Variants in FAM227A observed in about 807,000 individuals in gnomAD.
FAM227A encodes family with sequence similarity 227 member A, also known as protein FAM227A.
In FAM227A, 80 loss-of-function variants were observed where a neutral mutation model predicts 74.7. That is an observed-to-expected ratio of 1.07 (90% CI 0.89 to 1.29). The LOEUF is 1.29. FAM227A is among the 50% of genes most tolerant of loss of function. The pLI is 0.00. For synonymous variants in FAM227A, 237 were observed against 241.8 expected, an observed-to-expected ratio of 0.98 and a Z score of 0.19; for missense variants, 654 against 683.4, an observed-to-expected ratio of 0.96 and a Z score of 0.48.
At chr22:38,588,766 A>G (rs1406951416) in intron 16 of FAM227A, among the ~76,000 whole-genome samples, 1 of 62,430 alleles carries the variant, frequency 1.6e-5, no homozygotes, top group African/African-American at 7.4e-5. Context: ...TAAAAATACA[A>G]AAAAAAAAAA....
chr22:38,638,323 C>G (rs1443173068), intron 5 of FAM227A, among the ~76,000 whole-genome samples: 1 of 152,204 alleles, frequency 6.6e-6, no homozygotes, highest in East Asian at 1.9e-4. Context: ...CTGCATGACC[C>G]TGTGACAAGT....
intron 8 of FAM227A, among the ~76,000 whole-genome samples, chr22:38,626,865 C>CAAAAAAAAAAAAAA (rs67498232): frequency 6.0e-5 from 1 of 16,800 alleles, no homozygotes; most frequent in Non-Finnish European, 8.9e-5. Flanking sequence ...GACTCTGTCT[C>CAAAAAAAAAAAAAA]AAAAAAAAAA....
Position 38,578,876 on chromosome 22 carries a change from A to G in FAM227A, c.*7249T>C, listed in dbSNP as rs969604738. 2.0e-5 allele frequency: 3 copies of G among 152,210 alleles called. No homozygotes were observed. Among genetic ancestry groups the G allele is most frequent in the Admixed American group, 1.3e-4 (2 of 15,268 alleles). The allele number at this position is 152,210 out of a possible 1,614,324, so 9.4% of individuals were successfully genotyped here. ...GGAACGAGTATTTGTTGAACACCCA[A>G]TAATGATCATGATAGCCAGTACATG... On this transcript the variant is annotated 3_prime_UTR_variant, in exon 17 of 17. Coordinates refer to ENST00000535113, the MANE Select transcript of FAM227A (RefSeq NM_001013647.2).
At position 38,623,280 on chromosome 22, in the gene FAM227A, C is replaced by T; in HGVS notation, c.851-1G>A. On this transcript the variant is annotated splice_acceptor_variant, in intron 9 of 16. Transcript: ENST00000535113. LOFTEE classifies it high-confidence loss of function. ...TAGCTCTGTGGGCTAGGATAGGTGC[C>T]TAAGGGAGGAGTCAAGAGTGAGAAT... The T allele has an allele frequency of 6.5e-7, 1 of 1,548,646 alleles. No individual in the cohort carries two copies. The highest frequency in any genetic ancestry group is 2.4e-5 in the East Asian group (1 of 40,894).
Position 38,650,104 on chromosome 22 carries a change from T to C in FAM227A, c.65A>G (p.Glu22Gly). 6.4e-7 allele frequency: 1 copy of C among 1,551,984 alleles called. No individual in the cohort carries two copies. The highest frequency in any genetic ancestry group is 1.7e-4 in the Middle Eastern group (1 of 5,996). The change falls in exon 2 of 17, where the codon GAG (glutamate) becomes GGG (glycine). Residue 22 changes from glutamate to glycine, a missense_variant. By Grantham distance (98) the Glu-to-Gly change is moderately conservative. Transcript: ENST00000535113. Reference protein sequence around the residue: ...LTTLPMIPVDEHLAVSLVARN... With the variant: ...LTTLPMIPVDGHLAVSLVARN... Reference sequence around the variant, plus strand: ...TGCGACAAGCGAGACAGCCAGGTGCTCATCCACTGGTATCATAGGTAGGGT... The same window carrying C: ...TGCGACAAGCGAGACAGCCAGGTGCCCATCCACTGGTATCATAGGTAGGGT...
At chr22:38,640,340 G>A (rs1295675491) in intron 3 of FAM227A, among the ~76,000 whole-genome samples, 2 of 151,908 alleles carry the variant, frequency 1.3e-5, no homozygotes, top group Admixed American at 1.3e-4. Context: ...GCCTCTTCTA[G>A]GGTTCTTATA....
intron 11 of FAM227A, among the ~76,000 whole-genome samples, chr22:38,619,958 T>G (rs2091652308): frequency 6.6e-6 from 1 of 152,182 alleles, no homozygotes; most frequent in Admixed American, 6.5e-5. Context: ...CAGCCTACAC[T>G]GAAAACCTGG....
chr22:38,599,726 T>C (rs370286367), intron 14 of FAM227A, 38 bp downstream of exon 14: 401 of 1,521,222 alleles, frequency 2.6e-4, no homozygotes, highest in Non-Finnish European at 5.7e-5. Context: ...CGCGGGGGCC[T>C]GGAGCAGTGC....
chr22:38,648,210 G>A (rs955512610), intron 2 of FAM227A, among the ~76,000 whole-genome samples: 1 of 151,358 alleles, frequency 6.6e-6, no homozygotes, highest in Admixed American at 6.6e-5. Context: ...GGCCAGGGCA[G>A]TAAGATGCTG....
At chr22:38,644,379 A>G (rs1039698392) in intron 3 of FAM227A, among the ~76,000 whole-genome samples, 149 of 151,274 alleles carry the variant, frequency 9.8e-4, no homozygotes, top group African/African-American at 3.3e-3. Context: ...GTGTGACACT[A>G]CAATGGTAGA....
In FAM227A at chr22:38,636,443, T is replaced by C; in HGVS notation, c.519+8A>G. 1 of 1,550,644 alleles carries C rather than the reference T, an allele frequency of 6.4e-7. No individual in the cohort carries two copies. The highest frequency in any genetic ancestry group is 8.7e-7 in the Non-Finnish European group (1 of 1,146,638). ...GCAAACTCAGGGCAGGCACTGCTTT[T>C]TCCTCACCTTGCCACTAAGGCAGTC... On this transcript the variant is annotated splice_region_variant and intron_variant, in intron 6 of 16. Coordinates refer to ENST00000535113, the MANE Select transcript of FAM227A (RefSeq NM_001013647.2).
intron 11 of FAM227A, among the ~76,000 whole-genome samples, chr22:38,609,400 T>C (rs779480507): frequency 1.3e-5 from 2 of 150,498 alleles, no homozygotes; most frequent in Admixed American, 1.3e-4. Context: ...AACTCATAGT[T>C]GGCCGCAAGT....
intron 5 of FAM227A, among the ~76,000 whole-genome samples, chr22:38,637,228 T>C (rs977717226): frequency 2.0e-5 from 3 of 152,202 alleles, no homozygotes; most frequent in Non-Finnish European, 4.4e-5. Context: ...GATTTTCATG[T>C]AGTTATGTTG....
Position 38,582,957 on chromosome 22 carries a change from A to G in FAM227A, c.*3168T>C, listed in dbSNP as rs575628905. On this transcript the variant is annotated 3_prime_UTR_variant, in exon 17 of 17. Coordinates refer to ENST00000535113, the MANE Select transcript of FAM227A (RefSeq NM_001013647.2). The stretch of plus-strand genomic sequence containing the variant: ...GGAATTAGTGATGTTGGCAGTTAAC[A>G]AAGAGGAGGGAGGAGAAGGCATTTT... The G allele has an allele frequency of 3.1e-5, 48 of 1,549,842 alleles. No homozygotes were observed. In the Admixed American group the frequency reaches 6.9e-4, roughly 22 times the overall value.
Position 38,638,745 on chromosome 22 carries a change from C to T in FAM227A, c.372+1G>A. The T allele has an allele frequency of 6.5e-7, 1 of 1,546,796 alleles. No individual in the cohort carries two copies. The highest frequency in any genetic ancestry group is 1.4e-5 in the African/African-American group (1 of 73,016). On this transcript the variant is annotated splice_donor_variant, in intron 5 of 16. Coordinates refer to ENST00000535113, the MANE Select transcript of FAM227A (RefSeq NM_001013647.2). LOFTEE classifies it high-confidence loss of function. ...AACAGACACAGCAGTAGATCCCTTA[C>T]CCTTTTTATAACAGAAGATCTGGCA...
intron 13 of FAM227A, among the ~76,000 whole-genome samples, chr22:38,601,512 C>G (rs1411515915): frequency 6.6e-6 from 1 of 152,018 alleles, no homozygotes; most frequent in African/African-American, 2.4e-5. Flanking sequence ...TTCTAAGGGT[C>G]ATGGAAGCCA....
Position 38,628,938 on chromosome 22 carries a change from TG to T in FAM227A, c.520-4del. On this transcript the variant is annotated splice_polypyrimidine_tract_variant and splice_region_variant and intron_variant, in intron 6 of 16. Coordinates refer to ENST00000535113, the MANE Select transcript of FAM227A (RefSeq NM_001013647.2). The stretch of plus-strand genomic sequence containing the variant: ...AATTCTCTACCTGAACAGAAATGCT[TG>T]GAAAAAAAAATTCACAGTATTATTA... The T allele has an allele frequency of 6.8e-7, 1 of 1,465,444 alleles. No homozygotes were observed. The highest frequency in any genetic ancestry group is 9.2e-7 in the Non-Finnish European group (1 of 1,087,416). 90.8% of individuals were successfully genotyped at this position (1,465,444 alleles called of 1,614,324 possible).
intron 6 of FAM227A, among the ~76,000 whole-genome samples, chr22:38,631,652 A>G (rs1223757963): frequency 1.3e-5 from 2 of 152,152 alleles, no homozygotes; most frequent in Non-Finnish European, 2.9e-5. Flanking sequence ...GGGTACTCCA[A>G]GGGGTTTCTG....
intron 11 of FAM227A, 68 bp from the exon 12 acceptor site, chr22:38,607,544 T>C (rs1270153320): frequency 9.2e-7 from 1 of 1,090,408 alleles, no homozygotes; most frequent in Non-Finnish European, 1.4e-6. Flanking sequence ...AAATTGGCAG[T>C]GAGAGAAATA....
Sources: gnomAD v4.1 joint callset for allele counts (sites outside exome capture counted in the v4.1 genomes callset) on GRCh38, gnomAD v4.1.1 for gene constraint, MANE v1.5 for transcripts, NCBI Gene and HGNC (gene_info 2026-07-23, HGNC 2026-07-21) for gene names.